Variants in HDGFL3 observed in about 807,000 individuals in gnomAD.
HDGFL3 encodes the protein HDGF like 3.
HDGFL3 carries 6 observed loss-of-function variants against 27.6 expected under a neutral mutation model. The ratio of observed to expected loss-of-function variants is 0.22; its 90% CI spans 0.12 to 0.43. HDGFL3 has a LOEUF of 0.43. Ranked by LOEUF, HDGFL3 falls within the 20% of genes least tolerant of loss-of-function variation. The pLI is 1.00. For synonymous variants in HDGFL3, 88 were observed against 88.9 expected, an observed-to-expected ratio of 0.99 and a Z score of 0.05; for missense variants, 207 against 250.1, an observed-to-expected ratio of 0.83 and a Z score of 1.16.
At chr15:83,177,258 G>C (rs2037324292) in intron 1 of HDGFL3, among the ~76,000 whole-genome samples, 1 of 152,160 alleles carries the variant, frequency 6.6e-6, no homozygotes, top group Non-Finnish European at 1.5e-5. Flanking sequence ...GTGAATCCTT[G>C]AACAAATCAG....
chr15:83,157,604 A>AT, intron 3 of HDGFL3, 31 bp from the exon 4 acceptor site: 1 of 1,572,864 alleles, frequency 6.4e-7, no homozygotes, highest in Non-Finnish European at 8.7e-7. Context: ...AGCTGATTAC[A>AT]TTTTTGAAAA....
intron 1 of HDGFL3, among the ~76,000 whole-genome samples, chr15:83,165,554 C>T (rs1048300059): frequency 1.3e-5 from 2 of 152,076 alleles, no homozygotes; most frequent in Non-Finnish European, 2.9e-5. Flanking sequence ...CTGAATTTCC[C>T]CCATTGTTCC....
At chr15:83,169,694 G>C (rs574244176) in intron 1 of HDGFL3, among the ~76,000 whole-genome samples, 1 of 151,874 alleles carries the variant, frequency 6.6e-6, no homozygotes, top group South Asian at 2.1e-4. Context: ...CCAGCTACTT[G>C]GGAGGCTGAG....
chr15:83,143,930 G>A (rs1317700412), intron 5 of HDGFL3, among the ~76,000 whole-genome samples: 1 of 152,012 alleles, frequency 6.6e-6, no homozygotes, highest in Non-Finnish European at 1.5e-5. Context: ...AATGATATAA[G>A]ACTTTATTGT....
intron 1 of HDGFL3, among the ~76,000 whole-genome samples, chr15:83,178,569 T>G (rs1443429383): frequency 2.0e-5 from 3 of 151,974 alleles, no homozygotes; most frequent in African/African-American, 7.3e-5. Context: ...GAGGCTTCAG[T>G]GGGAGGATTG....
In HDGFL3 at chr15:83,207,259, A is replaced by G; in HGVS notation, c.84+72T>C. 2 of 1,057,144 alleles carry G rather than the reference A, an allele frequency of 1.9e-6. No homozygotes were observed. The highest frequency in any genetic ancestry group is 2.5e-6 in the Non-Finnish European group (2 of 803,634). The allele number at this position is 1,057,144 out of a possible 1,614,324, so 65.5% of individuals were successfully genotyped here. On this transcript the variant is annotated intron_variant, in intron 1 of 5. Transcript: ENST00000299633. The surrounding 1 kb of genome is among the most constrained non-coding windows in gnomAD (Gnocchi z 4.8). ...GGGCTCGGGGCTGAGGCGATGGGGAAAGGGGGCGGGCGCGCCATCATGAAG... is the reference window on the plus strand; with the variant it reads ...GGGCTCGGGGCTGAGGCGATGGGGAGAGGGGGCGGGCGCGCCATCATGAAG...
chr15:83,179,589 A>G (rs2037354656), intron 1 of HDGFL3, among the ~76,000 whole-genome samples: 1 of 152,240 alleles, frequency 6.6e-6, no homozygotes, highest in South Asian at 2.1e-4. Context: ...TTCTCTCGAA[A>G]GTGCTCAAGG....
intron 5 of HDGFL3, among the ~76,000 whole-genome samples, chr15:83,148,448 C>T (rs1488280875): frequency 6.6e-6 from 1 of 150,946 alleles, no homozygotes; most frequent in Non-Finnish European, 1.5e-5. Flanking sequence ...GGTGAAACCC[C>T]GTCTCTACTA....
intron 1 of HDGFL3, among the ~76,000 whole-genome samples, chr15:83,183,775 A>G (rs2037409215): frequency 6.6e-6 from 1 of 151,582 alleles, no homozygotes. Context: ...AGAAAAAAAA[A>G]AAAAAAGTAT....
intron 5 of HDGFL3, among the ~76,000 whole-genome samples, chr15:83,145,871 T>TC (rs2036880133): frequency 6.6e-6 from 1 of 150,544 alleles, no homozygotes; most frequent in Non-Finnish European, 1.5e-5. Flanking sequence ...CTTTTTTTTT[T>TC]TTCTCTCTCT....
At chr15:83,150,692 AGTTAACAAAG>A (rs1399265760) in intron 5 of HDGFL3, among the ~76,000 whole-genome samples, 2 of 152,248 alleles carry the variant, frequency 1.3e-5, no homozygotes, top group African/African-American at 2.4e-5. Flanking sequence ...TGTGCTTTGA[AGTTAACAAAG>A]GTTAACAAAA....
At chr15:83,188,756 G>C (rs1046065853) in intron 1 of HDGFL3, among the ~76,000 whole-genome samples, 1 of 151,680 alleles carries the variant, frequency 6.6e-6, no homozygotes, top group African/African-American at 2.4e-5. Flanking sequence ...TACTCCCTTG[G>C]TGATTTCATC....
rs761420191 is a variant in HDGFL3, at chr15:83,133,462, T to C, written c.*5808A>G. The C allele has an allele frequency of 7.2e-5, 11 of 152,232 alleles. No homozygotes were observed. Among genetic ancestry groups the C allele is most frequent in the Non-Finnish European group, 1.3e-4 (9 of 68,038 alleles). The allele number at this position is 152,232 out of a possible 1,614,324, so 9.4% of individuals were successfully genotyped here. ...GTTCACCTTATTGTCTCATTTGCCATTCCAATCATCCATTCTTAAAAAAAA... is the reference window on the plus strand; with the variant it reads ...GTTCACCTTATTGTCTCATTTGCCACTCCAATCATCCATTCTTAAAAAAAA... On this transcript the variant is annotated 3_prime_UTR_variant, in exon 6 of 6. Coordinates refer to ENST00000299633, the MANE Select transcript of HDGFL3 (RefSeq NM_016073.4).
At chr15:83,120,476 C>G (rs2151358073) in intron 3 of HDGFL3, among the ~76,000 whole-genome samples, 1 of 152,182 alleles carries the variant, frequency 6.6e-6, no homozygotes, top group Admixed American at 6.5e-5. Context: ...CCTCCACTTG[C>G]TTCTGGGTTA....
chr15:83,165,794 C>CAAAAAAAA (rs57873221), intron 1 of HDGFL3, among the ~76,000 whole-genome samples: 35 of 13,838 alleles, frequency 2.5e-3, no homozygotes, highest in Non-Finnish European at 3.6e-3. Flanking sequence ...GAATCCATCT[C>CAAAAAAAA]AAAAAAAAAA....
At chr15:83,112,816 G>T in exon 4 of HDGFL3, 1 of 1,614,038 alleles carries the variant, frequency 6.2e-7, no homozygotes, top group Admixed American at 1.7e-5. Context: ...TATTGTAGGG[G>T]TTGCTGCCCT....
rs940768905 is a variant in HDGFL3, at chr15:83,135,593, G to C, written c.*3677C>G. 6.6e-6 allele frequency: 1 copy of C among 152,058 alleles called. No individual in the cohort carries two copies. Among genetic ancestry groups the C allele is most frequent in the African/African-American group, 2.4e-5 (1 of 41,412 alleles). 9.4% of individuals were successfully genotyped at this position (152,058 alleles called of 1,614,324 possible). ...TGACAGGAGCTTTTAATCCTGCTGT[G>C]GTCTGTTTTACCCTTTCCAATACGG... On this transcript the variant is annotated 3_prime_UTR_variant, in exon 6 of 6. Coordinates refer to ENST00000299633, the MANE Select transcript of HDGFL3 (RefSeq NM_016073.4).
At position 83,121,313 on chromosome 15, in the gene HDGFL3, C is replaced by T. The variant is rs535839989; in HGVS notation, c.394-5572G>A. On this transcript the variant is annotated intron_variant, in intron 3 of 3. Coordinates refer to the HDGFL3 transcript ENST00000568294. ...GCCAGGCTGGTTTCAAACTCCTGAC[C>T]TCAAGTGATCTGCCCACCTCAGCTT... Among the ~76,000 whole-genome samples the T allele has an allele frequency of 4.0e-5, 6 of 151,896 alleles. No homozygotes were observed. The East Asian group carries it at 1.2e-3, about 29-fold the overall frequency.
chr15:83,157,680 G>T, intron 3 of HDGFL3, 107 bp from the exon 4 acceptor site: 1 of 1,180,142 alleles, frequency 8.5e-7, no homozygotes. Context: ...CGCTTACTCG[G>T]AAGATTTTCA....
Sources: gnomAD v4.1 joint callset for allele counts (sites outside exome capture counted in the v4.1 genomes callset) on GRCh38, gnomAD v4.1.1 for gene constraint, Gnocchi (gnomAD v3.1) non-coding constraint, MANE v1.5 for transcripts, NCBI Gene and HGNC (gene_info 2026-07-23, HGNC 2026-07-21) for gene names.